The following NEBL variants were observed in gnomAD, a reference collection of about 807,000 sequenced individuals.
NEBL encodes the protein LIM and SH3 protein 2.
In NEBL, 122 loss-of-function variants were observed where a neutral mutation model predicts 140.2. The observed-to-expected ratio is 0.87, with a 90% CI of 0.75 to 1.01. The LOEUF (loss-of-function observed/expected upper bound fraction) is 1.01, where lower values mean the gene tolerates loss of function less well. NEBL is among the 50% of genes least tolerant of loss of function. NEBL has a pLI of 0.00. For synonymous variants in NEBL, 436 were observed against 398.9 expected (o/e 1.09, Z -1.11); for missense variants, 1,365 against 1,231.3 (o/e 1.11, Z -1.62).
chr10:21,015,079 T>C (rs1838500139), intron 3 of NEBL, among the ~76,000 whole-genome samples: 1 of 152,216 alleles, frequency 6.6e-6, no homozygotes, highest in Non-Finnish European at 1.5e-5. Context: ...ATCCCTCTTA[T>C]TTTCAACATG....
chr10:20,926,006 A>G (rs908590241), intron 4 of NEBL, among the ~76,000 whole-genome samples: 3 of 152,170 alleles, frequency 2.0e-5, no homozygotes, highest in Non-Finnish European at 2.9e-5. Context: ...CACCATTCCC[A>G]GCCTGCCACC....
intron 3 of NEBL, among the ~76,000 whole-genome samples, chr10:21,216,412 T>C (rs1031097108): frequency 6.6e-6 from 1 of 152,112 alleles, no homozygotes; most frequent in Non-Finnish European, 1.5e-5. Flanking sequence ...TCCCAGCACT[T>C]TGGGAGGCCC....
chr10:21,080,992 C>T (rs1364382603), intron 2 of NEBL, among the ~76,000 whole-genome samples: 1 of 152,080 alleles, frequency 6.6e-6, no homozygotes, highest in Non-Finnish European at 1.5e-5. Context: ...GTAGCTGGGT[C>T]TACAGGCATG....
intron 3 of NEBL, among the ~76,000 whole-genome samples, chr10:21,204,611 C>T (rs181698819): frequency 2.0e-5 from 3 of 152,286 alleles, no homozygotes; most frequent in East Asian, 1.9e-4. Flanking sequence ...GGATTTCTAT[C>T]GTTTAAGGCT....
At chr10:20,991,211 T>G (rs1837441654) in intron 3 of NEBL, among the ~76,000 whole-genome samples, 1 of 152,076 alleles carries the variant, frequency 6.6e-6, no homozygotes, top group Non-Finnish European at 1.5e-5. Context: ...TCTGACTTAA[T>G]GAAGAATGTA....
At chr10:20,826,799 C>T (rs1458231965) in intron 17 of NEBL, among the ~76,000 whole-genome samples, 1 of 152,174 alleles carries the variant, frequency 6.6e-6, no homozygotes, top group Non-Finnish European at 1.5e-5. Flanking sequence ...AGATTATTTG[C>T]TTTAAGAATA....
chr10:21,190,447 G>A (rs941183319), intron 3 of NEBL, among the ~76,000 whole-genome samples: 2 of 152,174 alleles, frequency 1.3e-5, no homozygotes, highest in Non-Finnish European at 2.9e-5. Context: ...TTGAACCACT[G>A]CACTCCAGCC....
At chr10:20,921,839 A>G (rs556026264) in intron 4 of NEBL, among the ~76,000 whole-genome samples, 1 of 152,280 alleles carries the variant, frequency 6.6e-6, no homozygotes, top group African/African-American at 2.4e-5. Context: ...AGCTATACCT[A>G]TATTTCCACA....
chr10:20,885,901 G>C (rs1474773656), intron 4 of NEBL, among the ~76,000 whole-genome samples: 1 of 152,166 alleles, frequency 6.6e-6, no homozygotes, highest in East Asian at 1.9e-4. Flanking sequence ...TATATTTTAA[G>C]CTGCATGTTG....
chr10:20,831,631 A>G lies in NEBL; in HGVS notation c.1450-48T>C, dbSNP rs759092743. The G allele has an allele frequency of 5.7e-5, 72 of 1,257,588 alleles. 1 individual carries two copies. The highest frequency in any genetic ancestry group is 7.7e-5 in the Non-Finnish European group (66 of 859,336). The allele number at this position is 1,257,588 out of a possible 1,614,324, so 77.9% of individuals were successfully genotyped here. A position where few individuals can be genotyped will look rare whatever the true frequency, so the allele number is the denominator to read the frequency against. On this transcript the variant is annotated intron_variant, in intron 14 of 27. Transcript: ENST00000377122. ...TTAGTGCTCTCCAATCATTTGAGAA[A>G]CTGCTCAAAAATCGAGATGTCATTT...
chr10:21,231,556 GAAAAGAAAAGA>G (rs746613909), intron 3 of NEBL, among the ~76,000 whole-genome samples: 7 of 151,608 alleles, frequency 4.6e-5, no homozygotes, highest in Non-Finnish European at 1.0e-4. Context: ...AACAAGAAAA[GAAAAGAAAAGA>G]AAAAGAAAAG....
At chr10:20,792,453 T>G (rs1403209805) in intron 26 of NEBL, among the ~76,000 whole-genome samples, 1 of 152,234 alleles carries the variant, frequency 6.6e-6, no homozygotes, top group Non-Finnish European at 1.5e-5. Context: ...AAAGTAGGAC[T>G]ATGCTGCTAG....
chr10:20,914,007 C>T (rs1848433986), intron 4 of NEBL, among the ~76,000 whole-genome samples: 1 of 152,142 alleles, frequency 6.6e-6, no homozygotes, highest in South Asian at 2.1e-4. Flanking sequence ...AATAAATTCA[C>T]CAGTGCAAAC....
intron 3 of NEBL, among the ~76,000 whole-genome samples, chr10:21,214,552 CAT>C (rs1399967367): frequency 2.7e-5 from 4 of 150,818 alleles, no homozygotes; most frequent in African/African-American, 4.9e-5. Context: ...CATGCACACA[CAT>C]GTGCACACAT....
At chr10:21,205,999 A>G (rs983223070) in intron 3 of NEBL, among the ~76,000 whole-genome samples, 1 of 152,210 alleles carries the variant, frequency 6.6e-6, no homozygotes, top group African/African-American at 2.4e-5. Flanking sequence ...TTATGCATGA[A>G]CCATTAGTCA....
In NEBL at chr10:20,988,430, CA is replaced by C. The variant is rs1387734596; in HGVS notation, c.250-26652del. On this transcript the variant is annotated intron_variant, in intron 3 of 6. Coordinates refer to the NEBL transcript ENST00000417816. ...GAAGAAAGCTTTAGCATTTTCCCAC[CA>C]AAAAAAAATTGACCAACCCTCTGCC... is the stretch of plus-strand genomic sequence containing the variant. Among the ~76,000 whole-genome samples the C allele has an allele frequency of 1.5e-4, 22 of 150,974 alleles. No homozygotes were observed. In the East Asian group the frequency reaches 2.3e-3, roughly 16 times the overall value.
Position 20,886,453 on chromosome 10 carries a change from C to T in NEBL, c.369+1644G>A, listed in dbSNP as rs1313124197. Among the ~76,000 whole-genome samples the T allele has an allele frequency of 2.6e-5, 4 of 152,114 alleles. No individual in the cohort carries two copies. In the East Asian group the frequency reaches 7.7e-4, roughly 29 times the overall value. On this transcript the variant is annotated intron_variant, in intron 4 of 27. Coordinates refer to ENST00000377122, the MANE Select transcript of NEBL (RefSeq NM_006393.3). ...CTGAGGCATGAGAATAACTTGAACC[C>T]GGGAGGCAGAGGTTGCAGTGAGCTG...
chr10:20,939,485 A>T (rs1365800991), intron 4 of NEBL, among the ~76,000 whole-genome samples: 1 of 152,236 alleles, frequency 6.6e-6, no homozygotes, highest in African/African-American at 2.4e-5. Flanking sequence ...AAAACATGCC[A>T]AATTGTAAAG....
intron 2 of NEBL, among the ~76,000 whole-genome samples, chr10:21,100,132 G>A (rs1425466445): frequency 1.3e-5 from 2 of 152,078 alleles, no homozygotes; most frequent in African/African-American, 4.8e-5. Context: ...AGACTGCCCG[G>A]CCATCACATT....
Sources: allele counts gnomAD v4.1 joint callset (sites outside exome capture counted in the v4.1 genomes callset), GRCh38; gene constraint gnomAD v4.1.1; transcripts MANE v1.5; gene names NCBI Gene and HGNC (gene_info 2026-07-23, HGNC 2026-07-21).